IL26: variants seen among roughly 807,000 people sequenced by gnomAD.
The protein encoded by IL26 is interleukin-26.
Under a neutral mutation model 21.7 loss-of-function variants are expected in IL26, and 23 were observed. The ratio of observed to expected loss-of-function variants is 1.06; its 90% CI spans 0.76 to 1.50. IL26 has a LOEUF of 1.50. Ranked by LOEUF, IL26 falls within the 40% of genes most tolerant of loss-of-function variation. The probability of loss-of-function intolerance (pLI) is 0.00; values close to 1 mark genes in which losing one functional copy is unlikely to be tolerated. For missense variants in IL26, 204 were observed against 196.0 expected, an observed-to-expected ratio of 1.04 and a Z score of -0.24; for synonymous variants, 63 against 67.8, an observed-to-expected ratio of 0.93 and a Z score of 0.34.
At chr12:68,218,168 A>G (rs939097793) in intron 3 of IL26, among the ~76,000 whole-genome samples, 1 of 152,108 alleles carries the variant, frequency 6.6e-6, no homozygotes, top group Non-Finnish European at 1.5e-5. Flanking sequence ...GGTAAAATTC[A>G]TAATATTTGA....
At chr12:68,222,957 C>T (rs950323406) in intron 3 of IL26, among the ~76,000 whole-genome samples, 5 of 152,242 alleles carry the variant, frequency 3.3e-5, no homozygotes, top group African/African-American at 1.2e-4. Context: ...GCTAAGCCCT[C>T]TCCCAACCAC....
chr12:68,203,491 C>T (rs1039772053), intron 3 of IL26, among the ~76,000 whole-genome samples: 2 of 152,234 alleles, frequency 1.3e-5, no homozygotes, highest in South Asian at 2.1e-4. Flanking sequence ...GTCCTATGCT[C>T]GTGACAAAAT....
chr12:68,209,528 C>A (rs1272328120), intron 3 of IL26, among the ~76,000 whole-genome samples: 1 of 152,160 alleles, frequency 6.6e-6, no homozygotes, highest in East Asian at 1.9e-4. Context: ...GGGTTTTATG[C>A]CCTGAGCCCT....
At chr12:68,208,055 A>G (rs1868593602) in intron 3 of IL26, among the ~76,000 whole-genome samples, 1 of 152,220 alleles carries the variant, frequency 6.6e-6, no homozygotes. Context: ...TATTTAATGC[A>G]CAAAAGTACC....
chr12:68,202,218 C>T (rs1868409803), intron 3 of IL26, 135 bp from the exon 4 acceptor site: 1 of 501,154 alleles, frequency 2.0e-6, no homozygotes, highest in Non-Finnish European at 3.5e-6. Context: ...ATAAATAATG[C>T]ATGATCTTTT....
intron 3 of IL26, among the ~76,000 whole-genome samples, chr12:68,224,046 C>CCA (rs1565740684): frequency 6.6e-6 from 1 of 151,070 alleles, no homozygotes; most frequent in African/African-American, 2.5e-5. Flanking sequence ...AACACCCCCC[C>CCA]CCTCTAATGG....
intron 3 of IL26, among the ~76,000 whole-genome samples, chr12:68,206,177 G>A (rs1432714179): frequency 6.6e-6 from 1 of 152,188 alleles, no homozygotes; most frequent in African/African-American, 2.4e-5. Context: ...CAGGCTTGAT[G>A]ACTTTCATGT....
At chr12:68,224,601 AAG>A (rs10560914) in intron 3 of IL26, among the ~76,000 whole-genome samples, 25,059 of 150,144 alleles carry the variant, frequency 0.17, 2,927 homozygotes, top group East Asian at 0.55. Flanking sequence ...GAAGGAAGGA[AAG>A]AGAGAGAGAA....
intron 3 of IL26, among the ~76,000 whole-genome samples, chr12:68,224,066 T>TA (rs1055875957): frequency 2.7e-5 from 4 of 149,800 alleles, no homozygotes; most frequent in African/African-American, 1.0e-4. Context: ...GCCCAGTGTT[T>TA]AAGTCTCAGT....
intron 3 of IL26, among the ~76,000 whole-genome samples, chr12:68,223,207 A>G (rs1869110802): frequency 6.6e-6 from 1 of 152,186 alleles, no homozygotes; most frequent in African/African-American, 2.4e-5. Context: ...TTGTAAGACA[A>G]CTGATGCTCA....
rs951105391 is a variant in IL26, at chr12:68,222,087, ACT to A, written c.363+3060_363+3061del. On this transcript the variant is annotated intron_variant, in intron 3 of 4. Transcript: ENST00000229134. ...TTAGCAGAGTAAGCATCTTTTAATAACTCTGGTATCCATTAAAAATTGTCAAC... is the reference window on the plus strand; with the variant it reads ...TTAGCAGAGTAAGCATCTTTTAATAACTGGTATCCATTAAAAATTGTCAAC... 2.4e-4 allele frequency among the ~76,000 whole-genome samples: 36 copies of A among 152,336 alleles called. 1 individual carries two copies. The highest frequency in any genetic ancestry group is 8.2e-4 in the African/African-American group (34 of 41,574).
At chr12:68,219,783 G>A (rs1344537549) in intron 3 of IL26, among the ~76,000 whole-genome samples, 1 of 151,696 alleles carries the variant, frequency 6.6e-6, no homozygotes, top group Non-Finnish European at 1.5e-5. Flanking sequence ...CTAAAAACTG[G>A]TTCTTTGAGA....
chr12:68,223,293 T>G (rs1014840820), intron 3 of IL26, among the ~76,000 whole-genome samples: 1 of 152,072 alleles, frequency 6.6e-6, no homozygotes, highest in African/African-American at 2.4e-5. Context: ...ATTGATGAGA[T>G]GATGTGTTCG....
intron 3 of IL26, among the ~76,000 whole-genome samples, chr12:68,206,523 T>TA (rs1868548065): frequency 6.6e-6 from 1 of 152,154 alleles, no homozygotes; most frequent in Admixed American, 6.5e-5. Context: ...AACCAATCCA[T>TA]AAAAAAATGT....
At chr12:68,218,200 C>T (rs1290024787) in intron 3 of IL26, among the ~76,000 whole-genome samples, 4 of 150,782 alleles carry the variant, frequency 2.7e-5, no homozygotes, top group South Asian at 4.2e-4. Context: ...AATTACCAGC[C>T]GTGCAAAGAT....
Position 68,201,862 on chromosome 12 carries a change from A to G in IL26, c.499T>C (p.Leu167=), listed in dbSNP as rs543708508. ...DILLSWIKKL[L]ESSQ ...GCTTTGGTTTACTGACTGCTTTCCA[A>G]TAATTTTTTAATCCAGGAAAGAAGA... is the stretch of plus-strand genomic sequence containing the variant. Residue 167 remains leucine, a synonymous_variant, in exon 5 of 5, where the codon TTG becomes CTG. Coordinates refer to ENST00000229134, the MANE Select transcript of IL26 (RefSeq NM_018402.2). 36 of 1,593,448 alleles carry G rather than the reference A, an allele frequency of 2.3e-5. No individual in the cohort carries two copies. Among genetic ancestry groups the G allele is most frequent in the Middle Eastern group, 3.4e-4 (2 of 5,950 alleles).
At position 68,225,738 on chromosome 12, in the gene IL26, A is replaced by C; in HGVS notation, c.19T>G (p.Leu7Val). The C allele has an allele frequency of 6.2e-7, 1 of 1,613,960 alleles. No homozygotes were observed. The highest frequency in any genetic ancestry group is 8.5e-7 in the Non-Finnish European group (1 of 1,179,886). Residue 7 changes from leucine (L) to valine (V), a missense_variant, in exon 1 of 5, where the codon TTG becomes GTG. Transcript: ENST00000229134. ...GTGACTAACAGCAACCCACACCTCA[A>C]AATGAAATTCACCAGCATTTCCCTT... MLVNFILRCGLLLVTLS... is the reference protein window; with the variant it reads MLVNFIVRCGLLLVTLS...
At chr12:68,221,777 G>C (rs1334434938) in intron 3 of IL26, among the ~76,000 whole-genome samples, 1 of 152,066 alleles carries the variant, frequency 6.6e-6, no homozygotes, top group Non-Finnish European at 1.5e-5. Flanking sequence ...CACCCACCAA[G>C]GATAACTCAA....
intron 3 of IL26, among the ~76,000 whole-genome samples, chr12:68,202,740 G>A (rs536953845): frequency 2.0e-5 from 3 of 152,276 alleles, no homozygotes; most frequent in East Asian, 1.9e-4. Context: ...TGAGATTTGG[G>A]TGGGGACACA....
Sources: allele counts gnomAD v4.1 joint callset (sites outside exome capture counted in the v4.1 genomes callset), GRCh38; gene constraint gnomAD v4.1.1; transcripts MANE v1.5; gene names NCBI Gene and HGNC (gene_info 2026-07-23, HGNC 2026-07-21).